MYO16: variants seen among roughly 807,000 people sequenced by gnomAD.
The protein encoded by MYO16 is unconventional myosin-XVI.
MYO16 carries 94 observed loss-of-function variants against 205.3 expected under a neutral mutation model. The observed-to-expected ratio is 0.46, with a 90% CI of 0.39 to 0.54. The LOEUF (loss-of-function observed/expected upper bound fraction) is 0.54, where lower values mean the gene tolerates loss of function less well. Among genes scored for constraint, MYO16 ranks in the 20% least tolerant of loss-of-function variants. The pLI is 0.00. For missense variants in MYO16, 2,315 were observed against 2,387.5 expected (o/e 0.97, Z 0.63); for synonymous variants, 988 against 954.0 (o/e 1.04, Z -0.66).
intron 3 of MYO16, among the ~76,000 whole-genome samples, chr13:108,714,039 C>T (rs371988907): frequency 2.0e-5 from 3 of 151,936 alleles, no homozygotes; most frequent in Admixed American, 2.0e-4. Flanking sequence ...ATATCGTAAG[C>T]CTGTTTTTTT....
chr13:108,696,961 G>A (rs1260636411), intron 2 of MYO16, among the ~76,000 whole-genome samples: 8 of 136,984 alleles, frequency 5.8e-5, no homozygotes, highest in South Asian at 2.6e-4. Flanking sequence ...TTTAACTCAC[G>A]GATGAATTCA....
intron 32 of MYO16, among the ~76,000 whole-genome samples, chr13:109,149,431 T>C (rs2139829110): frequency 6.6e-6 from 1 of 152,312 alleles, no homozygotes; most frequent in East Asian, 1.9e-4. Context: ...TAAGTGATTT[T>C]CCCATAATCA....
At chr13:108,815,874 A>G (rs567701398) in intron 7 of MYO16, among the ~76,000 whole-genome samples, 2 of 152,346 alleles carry the variant, frequency 1.3e-5, no homozygotes, top group East Asian at 3.9e-4. Flanking sequence ...AAGACTTACT[A>G]TAAGTCTTCC....
chr13:109,106,470 T>A (rs1159406705), intron 28 of MYO16, among the ~76,000 whole-genome samples: 1 of 152,338 alleles, frequency 6.6e-6, no homozygotes, highest in East Asian at 1.9e-4. Context: ...GGAACATGCT[T>A]GTTTTTCATG....
intron 23 of MYO16, among the ~76,000 whole-genome samples, chr13:109,043,341 G>T (rs1435168418): frequency 6.6e-6 from 1 of 152,122 alleles, no homozygotes; most frequent in African/African-American, 2.4e-5. Context: ...CCCATAGCAT[G>T]AACAAAGATA....
At chr13:108,901,252 C>T (rs1019184342) in intron 15 of MYO16, among the ~76,000 whole-genome samples, 2 of 152,142 alleles carry the variant, frequency 1.3e-5, no homozygotes, top group Admixed American at 6.5e-5. Context: ...CATGTGATTT[C>T]TGTGACCCAC....
chr13:108,679,969 T>A (rs1882393187), intron 2 of MYO16, among the ~76,000 whole-genome samples: 1 of 152,158 alleles, frequency 6.6e-6, no homozygotes, highest in South Asian at 2.1e-4. Context: ...GAACTTTGTA[T>A]GTTCTAGTCC....
chr13:108,964,168 TG>T (rs1883698868), intron 19 of MYO16, among the ~76,000 whole-genome samples: 1 of 152,196 alleles, frequency 6.6e-6, no homozygotes, highest in Non-Finnish European at 1.5e-5. Flanking sequence ...GCAACAGTGA[TG>T]GGATAGGCTC....
At position 109,206,882 on chromosome 13, in the gene MYO16, C is replaced by A; in HGVS notation, c.*46C>A. 2 of 1,545,838 alleles carry A rather than the reference C, an allele frequency of 1.3e-6. No individual in the cohort carries two copies. The highest frequency in any genetic ancestry group is 1.2e-5 in the South Asian group (1 of 86,650). On this transcript the variant is annotated 3_prime_UTR_variant, in exon 35 of 35. Transcript: ENST00000457511. ...TACAAAATAGAACTGCCTACTGATTCCGGGCTGCAACAACAGAAGGCTGCC... is the reference window on the plus strand; with the variant it reads ...TACAAAATAGAACTGCCTACTGATTACGGGCTGCAACAACAGAAGGCTGCC...
chr13:108,629,467 A>G (rs1437315610), upstream of MYO16: 4 of 185,738 alleles, frequency 2.2e-5, no homozygotes, highest in Non-Finnish European at 4.4e-5. Flanking sequence ...AAAAGCCATT[A>G]ACAGGCAGGA....
intron 16 of MYO16, among the ~76,000 whole-genome samples, chr13:108,925,565 G>A (rs1275673909): frequency 6.6e-6 from 1 of 152,110 alleles, no homozygotes; most frequent in African/African-American, 2.4e-5. Flanking sequence ...AAAGAACCTG[G>A]TTCCCCCACC....
At chr13:109,145,429 C>T (rs1877286052) in intron 32 of MYO16, among the ~76,000 whole-genome samples, 1 of 151,918 alleles carries the variant, frequency 6.6e-6, no homozygotes, top group African/African-American at 2.4e-5. Flanking sequence ...GAGTAATAGT[C>T]ATAAGAGTTT....
chr13:108,958,009 G>A (rs1447679559), intron 17 of MYO16, among the ~76,000 whole-genome samples: 2 of 151,874 alleles, frequency 1.3e-5, no homozygotes, highest in African/African-American at 4.8e-5. Context: ...ACATGTTGAG[G>A]AAGAAAGGAA....
intron 4 of MYO16, among the ~76,000 whole-genome samples, chr13:108,776,428 C>T (rs1217860710): frequency 6.6e-6 from 1 of 152,182 alleles, no homozygotes; most frequent in Non-Finnish European, 1.5e-5. Context: ...CCTCAGTTCA[C>T]ACCTCCTTGG....
intron 23 of MYO16, among the ~76,000 whole-genome samples, chr13:109,030,355 G>T (rs965349011): frequency 6.6e-5 from 10 of 152,110 alleles, no homozygotes; most frequent in Non-Finnish European, 1.5e-4. Context: ...ATTTATATTT[G>T]CTGCAAATGA....
chr13:108,739,779 G>A (rs1490778035), intron 4 of MYO16, among the ~76,000 whole-genome samples: 2 of 152,182 alleles, frequency 1.3e-5, no homozygotes, highest in Non-Finnish European at 2.9e-5. Flanking sequence ...ACACCAGTCA[G>A]ACATAGATTT....
chr13:108,593,097 C>T (rs1306783100), upstream of MYO16, among the ~76,000 whole-genome samples: 1 of 152,112 alleles, frequency 6.6e-6, no homozygotes, highest in Non-Finnish European at 1.5e-5. Flanking sequence ...ATTTCAATGT[C>T]ATCTGTGAGG....
intron 34 of MYO16, among the ~76,000 whole-genome samples, chr13:109,180,251 A>C (rs932159627): frequency 7.9e-5 from 12 of 152,228 alleles, no homozygotes; most frequent in African/African-American, 2.9e-4. Context: ...TTCAAGAAGA[A>C]GAAAAAAAGA....
chr13:109,183,063 A>G (rs1879523999), intron 34 of MYO16, among the ~76,000 whole-genome samples: 1 of 152,230 alleles, frequency 6.6e-6, no homozygotes. Flanking sequence ...CGTAGGTTAT[A>G]GTATTTTATA....
Sources: allele counts gnomAD v4.1 joint callset (sites outside exome capture counted in the v4.1 genomes callset), GRCh38; gene constraint gnomAD v4.1.1; transcripts MANE v1.5; gene names NCBI Gene and HGNC (gene_info 2026-07-23, HGNC 2026-07-21).